IRS1: variants seen among roughly 807,000 people sequenced by gnomAD.
IRS1 encodes the protein insulin receptor substrate 1.
Under a neutral mutation model 65.6 loss-of-function variants are expected in IRS1, and 34 were observed. The observed-to-expected ratio is 0.52, with a 90% CI of 0.39 to 0.69. The LOEUF is 0.69. Ranked by LOEUF, IRS1 falls within the 30% of genes least tolerant of loss-of-function variation. The pLI is 0.00. For synonymous variants in IRS1, 699 were observed against 683.5 expected (o/e 1.02, Z -0.35); for missense variants, 1,641 against 1,720.2 (o/e 0.95, Z 0.81).
chr2:226,758,159 C>T (rs375311156), intron 1 of IRS1, among the ~76,000 whole-genome samples: 116 of 152,226 alleles, frequency 7.6e-4, no homozygotes, highest in South Asian at 2.1e-3. Flanking sequence ...ATTCAGAAAA[C>T]GATTCTTCAC....
At chr2:226,765,227 A>T (rs1399895070) in intron 1 of IRS1, among the ~76,000 whole-genome samples, 3 of 152,198 alleles carry the variant, frequency 2.0e-5, no homozygotes, top group Non-Finnish European at 4.4e-5. Flanking sequence ...ATGTGCCACT[A>T]TGCCCAGCTC....
intron 1 of IRS1, among the ~76,000 whole-genome samples, chr2:226,738,639 G>A (rs9288616): frequency 0.066 from 9,969 of 152,158 alleles, 468 homozygotes; most frequent in East Asian, 0.19. Context: ...AAGAAAGCCC[G>A]TCCCTTCACA....
chr2:226,794,878 C>A lies in IRS1; in HGVS notation c.*21+111G>T. 1 of 949,678 alleles carries A rather than the reference C, an allele frequency of 1.1e-6. No homozygotes were observed. The highest frequency in any genetic ancestry group is 1.3e-5 in the South Asian group (1 of 75,688). The allele number at this position is 949,678 out of a possible 1,614,324, so 58.8% of individuals were successfully genotyped here. On this transcript the variant is annotated intron_variant, in intron 1 of 1. Coordinates refer to ENST00000305123, the MANE Select transcript of IRS1 (RefSeq NM_005544.3). The surrounding 1 kb of genome is among the most constrained non-coding windows in gnomAD (Gnocchi z 4.1). ...TGTGCCCTGAGAATGTAAGTGCATT[C>A]TCCCTGAGGAAGCAGTGGGAAAGAA... is the stretch of plus-strand genomic sequence containing the variant.
chr2:226,747,188 T>C (rs919668313), intron 1 of IRS1, among the ~76,000 whole-genome samples: 5 of 152,140 alleles, frequency 3.3e-5, no homozygotes, highest in Non-Finnish European at 5.9e-5. Context: ...TTGTGCCCCA[T>C]TCTTAATAAA....
chr2:226,790,289 C>T (rs891774276), intron 1 of IRS1, among the ~76,000 whole-genome samples: 6 of 150,916 alleles, frequency 4.0e-5, no homozygotes, highest in African/African-American at 1.2e-4. Flanking sequence ...TTTTCCATTG[C>T]ATCATTTAAG....
rs759434975 is a variant in IRS1, at chr2:226,797,883, G to C, written c.856C>G (p.Arg286Gly). 2 of 1,609,818 alleles carry C rather than the reference G, an allele frequency of 1.2e-6. No homozygotes were observed. Among genetic ancestry groups the C allele is most frequent in the Middle Eastern group, 1.6e-4 (1 of 6,076 alleles). Residue 286 changes from arginine to glycine, a missense_variant, in exon 1 of 2, where the codon CGG becomes GGG. Physicochemically the swap from Arg to Gly is moderately radical, Grantham distance 125. Around this residue, in one of 3 missense-constraint regions of IRS1, gnomAD observed 1,324 missense variants for 1,361.0 expected, o/e 0.97. Transcript: ENST00000305123. The surrounding 1 kb of genome is among the most constrained non-coding windows in gnomAD (Gnocchi z 8.1). ...GGCGGGGGATTGTTGAGATGGTGCC[G>C]GCGCAGGGGGACGCTGATGGGGTTA... Reference protein sequence around the residue: ...CSNPISVPLRRHHLNNPPPSQ... With the variant: ...CSNPISVPLRGHHLNNPPPSQ...
chr2:226,781,784 T>G (rs1465950740), intron 1 of IRS1, among the ~76,000 whole-genome samples: 1 of 151,858 alleles, frequency 6.6e-6, no homozygotes, highest in Non-Finnish European at 1.5e-5. Context: ...GCAAAATATT[T>G]TTAAAGACCA....
intron 1 of IRS1, among the ~76,000 whole-genome samples, chr2:226,762,139 G>C (rs1040711854): frequency 3.3e-5 from 5 of 152,272 alleles, no homozygotes; most frequent in Non-Finnish European, 5.9e-5. Context: ...TGAGATGTGA[G>C]TTTGGTTTGA....
chr2:226,759,725 A>G (rs1938877490), intron 1 of IRS1, among the ~76,000 whole-genome samples: 1 of 152,238 alleles, frequency 6.6e-6, no homozygotes, highest in African/African-American at 2.4e-5. Context: ...GATATAACTT[A>G]AAACTACATA....
At chr2:226,738,164 C>T (rs886181446) in intron 1 of IRS1, among the ~76,000 whole-genome samples, 1 of 152,248 alleles carries the variant, frequency 6.6e-6, no homozygotes, top group African/African-American at 2.4e-5. Flanking sequence ...AGTAATAATG[C>T]ATATCACCTA....
At chr2:226,793,447 G>T (rs982313110) in intron 1 of IRS1, among the ~76,000 whole-genome samples, 4 of 152,200 alleles carry the variant, frequency 2.6e-5, no homozygotes, top group Non-Finnish European at 5.9e-5. Context: ...TTCTTCTAGT[G>T]AATGATGAAA....
Position 226,798,669 on chromosome 2 carries a change from T to A in IRS1, c.70A>T (p.Ser24Cys). ...RKVGYLRKPKSMHKRFFVLRA... is the reference protein window; with the variant it reads ...RKVGYLRKPKCMHKRFFVLRA... ...AGTACGAAGAAGCGTTTGTGCATGC[T>A]CTTGGGTTTGCGCAGGTAGCCCACC... The change falls in exon 1 of 2, where the codon AGC becomes TGC. Residue 24 changes from serine (S) to cysteine (C), a missense_variant. Ser to Cys is a moderately radical substitution (Grantham distance 112). Transcript: ENST00000305123. The surrounding 1 kb of genome is among the most constrained non-coding windows in gnomAD (Gnocchi z 9.4). The A allele has an allele frequency of 6.2e-7, 1 of 1,613,118 alleles. No homozygotes were observed. The highest frequency in any genetic ancestry group is 8.5e-7 in the Non-Finnish European group (1 of 1,179,928).
At chr2:226,772,677 T>TAAAAA (rs58764928) in intron 1 of IRS1, among the ~76,000 whole-genome samples, 8 of 108,630 alleles carry the variant, frequency 7.4e-5, no homozygotes, top group African/African-American at 2.5e-4. Flanking sequence ...ACATGGACAG[T>TAAAAA]AAAAAAAAAA....
chr2:226,766,121 T>TTTTATATATATATA (rs1491160572), intron 1 of IRS1, among the ~76,000 whole-genome samples: 3 of 14,244 alleles, frequency 2.1e-4, no homozygotes, highest in Non-Finnish European at 3.9e-4. Flanking sequence ...TCTCTTAATC[T>TTTTATATATATATA]TATATATATA....
intron 1 of IRS1, among the ~76,000 whole-genome samples, chr2:226,747,868 C>T (rs1167123918): frequency 6.6e-6 from 1 of 152,024 alleles, no homozygotes; most frequent in Non-Finnish European, 1.5e-5. Flanking sequence ...TTGTCACAAC[C>T]AGGAAAGGGG....
At position 226,796,477 on chromosome 2, in the gene IRS1, C is replaced by A; in HGVS notation, c.2262G>T (p.Glu754Asp). The change falls in exon 1 of 2, where the codon GAG (glutamate) becomes GAT (aspartate). Residue 754 changes from glutamate (E) to aspartate (D), a missense_variant. Around this residue, in one of 3 missense-constraint regions of IRS1, gnomAD observed 1,324 missense variants for 1,361.0 expected, o/e 0.97. Transcript: ENST00000305123. The stretch of plus-strand genomic sequence containing the variant: ...AGAGGACTGGCTTGTGCTGGGGGTC[C>A]TCAGGGCCGTAGTAGCAGTCGGAGG... ...SSPSDCYYGP[E>D]DPQHKPVLSY... 1 of 1,613,812 alleles carries A rather than the reference C, an allele frequency of 6.2e-7. No homozygotes were observed. Among genetic ancestry groups the A allele is most frequent in the Non-Finnish European group, 8.5e-7 (1 of 1,180,024 alleles).
intron 1 of IRS1, among the ~76,000 whole-genome samples, chr2:226,755,424 T>A (rs977195244): frequency 6.6e-6 from 1 of 152,236 alleles, no homozygotes; most frequent in African/African-American, 2.4e-5. Flanking sequence ...TAAACAGAGC[T>A]AAGTTTATGC....
intron 1 of IRS1, among the ~76,000 whole-genome samples, chr2:226,741,826 CATA>C (rs772046902): frequency 3.0e-3 from 373 of 125,080 alleles, no homozygotes; most frequent in African/African-American, 0.011. Context: ...CACACACACA[CATA>C]ACACACACAC....
At position 226,798,049 on chromosome 2, in the gene IRS1, C is replaced by G. The variant is rs1939784523; in HGVS notation, c.690G>C (p.Val230=). The change falls in exon 1 of 2, where the codon GTG becomes GTC. Residue 230 remains valine (V), a synonymous_variant. Coordinates refer to ENST00000305123, the MANE Select transcript of IRS1 (RefSeq NM_005544.3). The surrounding 1 kb of genome is among the most constrained non-coding windows in gnomAD (Gnocchi z 9.4). ...FFFIEVGRSA[V]TGPGEFWMQV... ...GCATCCAGAACTCCCCGGGCCCCGTCACGGCAGAACGGCCCACCTCGATGA... is the reference window on the plus strand; with the variant it reads ...GCATCCAGAACTCCCCGGGCCCCGTGACGGCAGAACGGCCCACCTCGATGA... 6.2e-7 allele frequency: 1 copy of G among 1,614,092 alleles called. No homozygotes were observed. Among genetic ancestry groups the G allele is most frequent in the African/African-American group, 1.3e-5 (1 of 75,014 alleles).
Sources: gnomAD v4.1 joint callset for allele counts (sites outside exome capture counted in the v4.1 genomes callset) on GRCh38, gnomAD v4.1.1 for gene constraint, gnomAD v4.1.1 regional missense constraint, Gnocchi (gnomAD v3.1) non-coding constraint, MANE v1.5 for transcripts, NCBI Gene and HGNC (gene_info 2026-07-23, HGNC 2026-07-21) for gene names.